Variants in KLRG2 observed in about 807,000 individuals in gnomAD.
The protein encoded by KLRG2 is killer cell lectin-like receptor subfamily G member 2.
KLRG2 carries 39 observed loss-of-function variants against 35.4 expected under a neutral mutation model. The ratio of observed to expected loss-of-function variants is 1.10; its 90% CI spans 0.85 to 1.44. The LOEUF (loss-of-function observed/expected upper bound fraction) is 1.44, where lower values mean the gene tolerates loss of function less well. Among genes scored for constraint, KLRG2 ranks in the 40% most tolerant of loss-of-function variants. The pLI, the probability that KLRG2 is intolerant of heterozygous loss-of-function variation, is 0.00. For synonymous variants in KLRG2, 283 were observed against 265.8 expected (o/e 1.06, Z -0.63); for missense variants, 632 against 570.9 (o/e 1.11, Z -1.09).
chr7:139,483,135 G>A lies in KLRG2; in HGVS notation c.508C>T (p.Gln170Ter), dbSNP rs1796996324. The change falls in exon 1 of 5, where the codon CAG (glutamine) becomes TAG (stop). Residue 170 changes from glutamine to a stop codon, truncating the protein, a stop_gained. Transcript: ENST00000340940. LOFTEE classifies it high-confidence loss of function. ...TGGGATGGTGCGCGCAGCAGGAGCT[G>A]GTGCGCCGGGTCCGCGTGGCGGGAG... ...AFSRHADPAH[Q>*]LLLRAPSQGG... The A allele has an allele frequency of 1.3e-6, 2 of 1,485,950 alleles. No individual in the cohort carries two copies. The highest frequency in any genetic ancestry group is 2.3e-5 in the Admixed American group (1 of 43,486). The allele number at this position is 1,485,950 out of a possible 1,614,324, so 92.0% of individuals were successfully genotyped here. A position where few individuals can be genotyped will look rare whatever the true frequency, so the allele number is the denominator to read the frequency against.
At chr7:139,448,054 G>A (rs1427939923), downstream of KLRG2, among the ~76,000 whole-genome samples, 4 of 152,084 alleles carry the variant, frequency 2.6e-5, no homozygotes, top group Non-Finnish European at 4.4e-5. Flanking sequence ...GAGTGCAGGC[G>A]TACAATCATG....
chr7:139,453,775 C>T, intron 4 of KLRG2, 68 bp from the exon 5 acceptor site: 1 of 1,589,744 alleles, frequency 6.3e-7, no homozygotes, highest in Non-Finnish European at 8.6e-7. Context: ...CCCAGCCAGA[C>T]CCTCCAGCGT....
At chr7:139,444,997 C>T in the KLRG2 span, among the ~76,000 whole-genome samples, 3 of 152,056 alleles carry the variant, frequency 2.0e-5, no homozygotes, top group African/African-American at 4.8e-5. Context: ...CACCCAAACA[C>T]AAAGAGATTC....
At chr7:139,478,382 G>C (rs1227705770) in intron 3 of KLRG2, among the ~76,000 whole-genome samples, 2 of 123,050 alleles carry the variant, frequency 1.6e-5, no homozygotes, top group African/African-American at 6.2e-5. Context: ...AAAAAAAAAA[G>C]GACAACACTG....
At position 139,483,400 on chromosome 7, in the gene KLRG2, C is replaced by G. The variant is rs751651764; in HGVS notation, c.243G>C (p.Pro81=). The change falls in exon 1 of 5, where the codon CCG becomes CCC. Residue 81 remains proline, a synonymous_variant. Transcript: ENST00000340940. ...PSPRPGSPRV[P]PLSLGYGVCP... ...AGACCCCGTAGCCCAGGCTGAGCGG[C>G]GGCACGCGCGGGGACCCGGGGCGAG... 6 of 1,539,516 alleles carry G rather than the reference C, an allele frequency of 3.9e-6. No homozygotes were observed. In the Admixed American group the frequency reaches 1.2e-4, roughly 30 times the overall value.
the KLRG2 span, among the ~76,000 whole-genome samples, chr7:139,441,124 G>C: frequency 6.6e-6 from 1 of 152,138 alleles, no homozygotes; most frequent in African/African-American, 2.4e-5. Flanking sequence ...CCATTACTGG[G>C]TATATACACA....
chr7:139,457,201 G>T (rs991829379), intron 3 of KLRG2, among the ~76,000 whole-genome samples: 7 of 152,158 alleles, frequency 4.6e-5, no homozygotes, highest in Admixed American at 3.3e-4. Context: ...CTGGTGCTTC[G>T]GGGACACACT....
chr7:139,455,383 G>A (rs1405241820), intron 3 of KLRG2, among the ~76,000 whole-genome samples: 26 of 147,116 alleles, frequency 1.8e-4, no homozygotes, highest in Non-Finnish European at 2.4e-4. Context: ...GTGCAGTGGC[G>A]CGATCTCGGC....
chr7:139,476,259 C>A (rs559113151), intron 3 of KLRG2, among the ~76,000 whole-genome samples: 1 of 152,074 alleles, frequency 6.6e-6, no homozygotes, highest in East Asian at 1.9e-4. Flanking sequence ...TGAGGTGAAA[C>A]CAACGAAAAG....
Position 139,478,471 on chromosome 7 carries a change from A to G in KLRG2, c.1005+1156T>C, listed in dbSNP as rs186754422. On this transcript the variant is annotated intron_variant, in intron 3 of 4. Transcript: ENST00000340940. ...GATTACCTGAGGTGGGGATTTTGAG[A>G]CCAGCCTGACCAACATGGAGAAACC... 5.8e-3 allele frequency among the ~76,000 whole-genome samples: 877 copies of G among 151,860 alleles called. 11 individuals carry two copies. The highest frequency in any genetic ancestry group is 0.02 in the African/African-American group (826 of 41,388).
chr7:139,435,071 C>T, the KLRG2 span, among the ~76,000 whole-genome samples: 41 of 152,266 alleles, frequency 2.7e-4, no homozygotes, highest in African/African-American at 9.9e-4. Context: ...AGATTAACCC[C>T]AGGACCTACT....
intron 3 of KLRG2, among the ~76,000 whole-genome samples, chr7:139,466,278 C>A (rs998627730): frequency 6.6e-6 from 1 of 152,110 alleles, no homozygotes; most frequent in Non-Finnish European, 1.5e-5. Context: ...TGGGTAGAAG[C>A]CTTTCCCACA....
the KLRG2 span, among the ~76,000 whole-genome samples, chr7:139,437,906 T>C: frequency 0.33 from 50,145 of 152,012 alleles, 11,625 homozygotes; most frequent in African/African-American, 0.66. Flanking sequence ...TTCATCTACT[T>C]CAGGACTGGC....
rs1270046501 is a variant in KLRG2 at position 139,454,220 on chromosome 7, G to A, written c.1006-6C>T. The stretch of plus-strand genomic sequence containing the variant: ...GGGTATCTGCCCAGGAAGTCCTGAG[G>A]GAGAAAAGTAAGCTGGTCACTCCCC... On this transcript the variant is annotated splice_region_variant and splice_polypyrimidine_tract_variant and intron_variant, in intron 3 of 4. Coordinates refer to ENST00000340940, the MANE Select transcript of KLRG2 (RefSeq NM_198508.4). 1 of 1,430,104 alleles carries A rather than the reference G, an allele frequency of 7.0e-7. No individual in the cohort carries two copies. The allele number at this position is 1,430,104 out of a possible 1,614,324, so 88.6% of individuals were successfully genotyped here.
the KLRG2 span, among the ~76,000 whole-genome samples, chr7:139,432,073 T>C: frequency 6.6e-6 from 1 of 151,802 alleles, no homozygotes; most frequent in Non-Finnish European, 1.5e-5. Flanking sequence ...AAGTCAGTCC[T>C]GACCAGGCAC....
At chr7:139,435,497 A>T in the KLRG2 span, among the ~76,000 whole-genome samples, 1 of 152,314 alleles carries the variant, frequency 6.6e-6, no homozygotes, top group Non-Finnish European at 1.5e-5. Context: ...CTCAAAAAAA[A>T]ATCACCAATT....
rs1300127380 is a variant in KLRG2, at chr7:139,460,334, G to A, written c.1006-6120C>T. Among the ~76,000 whole-genome samples, 4 of 152,196 alleles carry A rather than the reference G, an allele frequency of 2.6e-5. No individual in the cohort carries two copies. The East Asian group carries it at 7.7e-4, about 29-fold the overall frequency. On this transcript the variant is annotated intron_variant, in intron 3 of 4. Transcript: ENST00000340940. The stretch of plus-strand genomic sequence containing the variant: ...TAGTTTGTTTTCTGTTGCTGTCACA[G>A]ATTACCACAGAAAGGGTAATTTATA...
Position 139,454,152 on chromosome 7 carries a change from C to T in KLRG2, c.1068G>A (p.Gln356=). ...GGGCCTCGTCGATCCAGTGCCAGCC[C>T]TGGGGGCCTCGCCAGGCCCCCACCC... ...HSWVGAWRGP[Q]GWHWIDEAPL... The change falls in exon 4 of 5, where the codon CAG becomes CAA. Residue 356 remains glutamine (Q), a synonymous_variant. Transcript: ENST00000340940. 2.6e-6 allele frequency: 4 copies of T among 1,546,442 alleles called. No individual in the cohort carries two copies. The highest frequency in any genetic ancestry group is 1.2e-5 in the South Asian group (1 of 83,732).
intron 1 of KLRG2, among the ~76,000 whole-genome samples, chr7:139,480,986 C>T (rs990431474): frequency 4.6e-5 from 7 of 151,224 alleles, no homozygotes; most frequent in East Asian, 1.9e-4. Flanking sequence ...CTAAGTGATC[C>T]GCCCGCCTTG....
Sources: gnomAD v4.1 joint callset for allele counts (sites outside exome capture counted in the v4.1 genomes callset) on GRCh38, gnomAD v4.1.1 for gene constraint, MANE v1.5 for transcripts, NCBI Gene and HGNC (gene_info 2026-07-23, HGNC 2026-07-21) for gene names.